DNAI7: variants seen among roughly 807,000 people sequenced by gnomAD.
DNAI7 encodes cancer susceptibility 1.
In DNAI7, 78 loss-of-function variants were observed where a neutral mutation model predicts 86.6. The observed-to-expected ratio is 0.90, with a 90% CI of 0.75 to 1.09. The LOEUF (loss-of-function observed/expected upper bound fraction) is 1.09. Ranked by LOEUF, DNAI7 falls within the 50% of genes least tolerant of loss-of-function variation. The pLI is 0.00. For missense variants in DNAI7, 753 were observed against 810.2 expected (o/e 0.93, Z 0.86); for synonymous variants, 274 against 273.0 (o/e 1.00, Z -0.04).
intron 6 of DNAI7, among the ~76,000 whole-genome samples, chr12:25,150,238 G>A (rs746126312): frequency 5.3e-5 from 8 of 152,140 alleles, no homozygotes; most frequent in Non-Finnish European, 1.0e-4. Flanking sequence ...CCTCTGATTG[G>A]GGAAAATGTA....
chr12:25,154,432 C>G lies in DNAI7; in HGVS notation c.325G>C (p.Gly109Arg). 3 of 1,609,858 alleles carry G rather than the reference C, an allele frequency of 1.9e-6. No homozygotes were observed. The highest frequency in any genetic ancestry group is 2.5e-6 in the Non-Finnish European group (3 of 1,179,072). Residue 109 changes from glycine to arginine, a missense_variant, in exon 6 of 16, where the codon GGG becomes CGG. Gly to Arg is a moderately radical substitution (Grantham distance 125, BLOSUM62 -2). Transcript: ENST00000395987. Reference protein sequence around the residue: ...SQWKHYIQCDGSPDPSVAQEM... With the variant: ...SQWKHYIQCDRSPDPSVAQEM... ...TGGGCTACTGAAGGATCAGGACTCC[C>G]ATCACATTGAATGTAGTGCTTCCAC...
rs1010251575 is a variant in DNAI7, at chr12:25,114,655, C to T, written c.1611+1G>A. 1 of 1,590,124 alleles carries T rather than the reference C, an allele frequency of 6.3e-7. No individual in the cohort carries two copies. Among genetic ancestry groups the T allele is most frequent in the African/African-American group, 1.3e-5 (1 of 74,358 alleles). ...ACATAACAGCTACAAGAGTAACTCA[C>T]CTTAATTTGTATTTGAATCTCAGTA... is the stretch of plus-strand genomic sequence containing the variant. On this transcript the variant is annotated splice_donor_variant, in intron 13 of 15. Transcript: ENST00000395987. LOFTEE classifies it high-confidence loss of function.
Position 25,108,690 on chromosome 12 carries a change from G to A in DNAI7, c.2027C>T (p.Thr676Ile). Residue 676 changes from threonine (T) to isoleucine (I), a missense_variant, in exon 16 of 16, where the codon ACT (threonine) becomes ATT (isoleucine). Physicochemically the swap from Thr to Ile is moderately conservative, Grantham distance 89. Transcript: ENST00000395987. ...GTGATATAAAGTAGAATGAAACTCA[G>A]TTTCTTCTTTAAGTGCTTCAGAAAA... ...EAFSEALKEE[T>I]EFHSTLYHMV... 1.9e-6 allele frequency: 3 copies of A among 1,613,640 alleles called. No homozygotes were observed. Among genetic ancestry groups the A allele is most frequent in the Non-Finnish European group, 2.5e-6 (3 of 1,179,902 alleles).
chr12:25,121,977 A>AT, intron 10 of DNAI7, 64 bp from the exon 11 acceptor site: 2 of 1,180,384 alleles, frequency 1.7e-6, no homozygotes, highest in South Asian at 3.3e-5. Context: ...TAGGAAAGAA[A>AT]TTTAAAAATT....
intron 2 of DNAI7, among the ~76,000 whole-genome samples, chr12:25,184,709 G>A (rs950489028): frequency 3.9e-5 from 6 of 151,980 alleles, no homozygotes; most frequent in Non-Finnish European, 5.9e-5. Flanking sequence ...ATTTTAGCTG[G>A]TACAGAATTC....
chr12:25,159,503 C>T (rs1592514910), intron 3 of DNAI7, among the ~76,000 whole-genome samples: 1 of 151,246 alleles, frequency 6.6e-6, no homozygotes, highest in Non-Finnish European at 1.5e-5. Flanking sequence ...AAAAAATAAG[C>T]CACAATAATA....
At chr12:25,163,914 C>T (rs1322530351) in intron 2 of DNAI7, among the ~76,000 whole-genome samples, 3 of 152,156 alleles carry the variant, frequency 2.0e-5, no homozygotes, top group African/African-American at 4.8e-5. Context: ...AAAGGAGACG[C>T]GTTTTATCCA....
intron 6 of DNAI7, among the ~76,000 whole-genome samples, chr12:25,152,075 T>A (rs931460434): frequency 1.3e-5 from 2 of 152,250 alleles, no homozygotes; most frequent in African/African-American, 2.4e-5. Context: ...TTATCCTAAC[T>A]TGACGTGACA....
intron 6 of DNAI7, among the ~76,000 whole-genome samples, chr12:25,149,975 GAATA>G (rs1442003647): frequency 6.6e-6 from 1 of 152,034 alleles, no homozygotes; most frequent in Non-Finnish European, 1.5e-5. Flanking sequence ...ATAACACACT[GAATA>G]AATAAAAATC....
chr12:25,128,741 C>T (rs1246858378), intron 9 of DNAI7, among the ~76,000 whole-genome samples: 1 of 152,208 alleles, frequency 6.6e-6, no homozygotes, highest in East Asian at 1.9e-4. Flanking sequence ...ACATATTCAT[C>T]TTTCTATAAC....
intron 2 of DNAI7, among the ~76,000 whole-genome samples, chr12:25,162,240 G>T (rs1592534305): frequency 6.6e-6 from 1 of 152,326 alleles, no homozygotes; most frequent in Non-Finnish European, 1.5e-5. Flanking sequence ...ACTTAGTAAT[G>T]ATTAAAATTG....
At chr12:25,115,324 A>G (rs1363183308) in intron 12 of DNAI7, among the ~76,000 whole-genome samples, 1 of 152,212 alleles carries the variant, frequency 6.6e-6, no homozygotes, top group Non-Finnish European at 1.5e-5. Flanking sequence ...TCTTTAATTT[A>G]CCCAGTTGTG....
chr12:25,185,654 T>C, intron 2 of DNAI7: 1 of 342,010 alleles, frequency 2.9e-6, no homozygotes, highest in Non-Finnish European at 4.1e-6. Flanking sequence ...TTCCCTCATA[T>C]ATTGTTTTTA....
chr12:25,141,837 G>A (rs200466530), intron 9 of DNAI7, among the ~76,000 whole-genome samples: 35 of 148,408 alleles, frequency 2.4e-4, no homozygotes, highest in Non-Finnish European at 2.7e-4. Context: ...CTCAAAAAAA[G>A]AAAAAAAAAA....
chr12:25,133,512 G>A (rs904379662), intron 9 of DNAI7, among the ~76,000 whole-genome samples: 7 of 152,206 alleles, frequency 4.6e-5, no homozygotes, highest in East Asian at 1.9e-4. Flanking sequence ...GGGATTCTTC[G>A]CTCTAAGCAG....
At chr12:25,122,859 ACTTC>A (rs948692359) in intron 10 of DNAI7, among the ~76,000 whole-genome samples, 151 of 152,374 alleles carry the variant, frequency 9.9e-4, no homozygotes, top group African/African-American at 3.4e-3. Context: ...TTATACAACT[ACTTC>A]AAAAAGTGAG....
At chr12:25,120,116 G>T (rs1391486281) in intron 11 of DNAI7, among the ~76,000 whole-genome samples, 2 of 152,122 alleles carry the variant, frequency 1.3e-5, no homozygotes, top group Non-Finnish European at 2.9e-5. Flanking sequence ...GGACCTTATG[G>T]ATAAAGAGAA....
intron 14 of DNAI7, 143 bp from the exon 15 acceptor site, chr12:25,110,383 T>G (rs1949722905): frequency 1.6e-6 from 1 of 610,404 alleles, no homozygotes; most frequent in Non-Finnish European, 2.9e-6. Flanking sequence ...CTCTCAACAC[T>G]GGGCAATGGC....
rs533573863 is a variant in DNAI7 at position 25,150,333 on chromosome 12, A to G, written c.439-559T>C. ...TAAATTAATAATGGAGGCCGGGCGCAGTGGCTCATGCCTGCAATCCCAGCA... is the reference window on the plus strand; with the variant it reads ...TAAATTAATAATGGAGGCCGGGCGCGGTGGCTCATGCCTGCAATCCCAGCA... On this transcript the variant is annotated intron_variant, in intron 6 of 15. Coordinates refer to ENST00000395987, the MANE Select transcript of DNAI7 (RefSeq NM_018272.5). 3.9e-5 allele frequency among the ~76,000 whole-genome samples: 6 copies of G among 152,214 alleles called. No homozygotes were observed. The South Asian group carries it at 6.2e-4, about 16-fold the overall frequency.
Sources: gnomAD v4.1 joint callset for allele counts (sites outside exome capture counted in the v4.1 genomes callset) on GRCh38, gnomAD v4.1.1 for gene constraint, MANE v1.5 for transcripts, NCBI Gene and HGNC (gene_info 2026-07-23, HGNC 2026-07-21) for gene names.